RAB9A: variants seen among roughly 807,000 people sequenced by gnomAD.
RAB9A encodes the protein ras-related protein Rab-9A.
A neutral mutation model predicts 10.3 loss-of-function variants in RAB9A; 1 was observed. That is an observed-to-expected ratio of 0.10 (90% confidence interval 0.03 to 0.46). RAB9A has a LOEUF of 0.46. RAB9A is among the 20% of genes least tolerant of loss of function. The pLI is 0.96. For missense variants in RAB9A, 92 were observed against 150.3 expected (o/e 0.61, Z 2.03); for synonymous variants, 39 against 55.2 (o/e 0.71, Z 1.30).
At chrX:13,698,964 C>A (rs868335977) in intron 1 of RAB9A, among the ~76,000 whole-genome samples, 34 of 93,488 alleles carry the variant, frequency 3.6e-4, no homozygotes, top group African/African-American at 3.5e-4. Flanking sequence ...TGAATTTGAC[C>A]AAAAAAAAAA....
chrX:13,701,023 C>A (rs182235847), intron 1 of RAB9A, among the ~76,000 whole-genome samples: 2 of 112,379 alleles, frequency 1.8e-5, no homozygotes, highest in African/African-American at 6.5e-5. Flanking sequence ...CTGCCTGCCT[C>A]TGCCTCCCGT....
intron 1 of RAB9A, among the ~76,000 whole-genome samples, chrX:13,699,198 T>C (rs1418761772): frequency 1.8e-5 from 2 of 111,755 alleles, no homozygotes; most frequent in African/African-American, 3.3e-5. Flanking sequence ...GGGATTCTCA[T>C]TGGGATTGCA....
Position 13,709,452 on chromosome X carries a change from C to T in RAB9A, c.*100C>T, listed in dbSNP as rs2046212297. The T allele has an allele frequency of 1.1e-6, 1 of 950,074 alleles. No individual in the cohort carries two copies. Among genetic ancestry groups the T allele is most frequent in the Non-Finnish European group, 1.4e-6 (1 of 698,828 alleles). 78.3% of individuals were successfully genotyped at this position (950,074 alleles called of 1,213,427 possible). ...AGCGTTTGCAGCAGTGTATCATCTA[C>T]TAATAAAATTAAACTAATGTTGCTG... On this transcript the variant is annotated 3_prime_UTR_variant, in exon 3 of 3. Coordinates refer to ENST00000464506, the MANE Select transcript of RAB9A (RefSeq NM_004251.5).
chrX:13,700,099 C>G lies in RAB9A; in HGVS notation c.-115-3715C>G, dbSNP rs201035289. On this transcript the variant is annotated intron_variant, in intron 1 of 2. Transcript: ENST00000464506. ...AAGTAGCTGGAACTACAAGCAGGCA[C>G]CACCACACCTGGCTAATTTGTGTAT... is the stretch of plus-strand genomic sequence containing the variant. Among the ~76,000 whole-genome samples, 7 of 111,523 alleles carry G rather than the reference C, an allele frequency of 6.3e-5. No individual in the cohort carries two copies. In the East Asian group the frequency reaches 1.1e-3, roughly 18 times the overall value.
intron 1 of RAB9A, among the ~76,000 whole-genome samples, chrX:13,699,016 A>G (rs2046160745): frequency 9.0e-6 from 1 of 111,020 alleles, no homozygotes; most frequent in Non-Finnish European, 1.9e-5. Flanking sequence ...TGATAAATTC[A>G]TTTTAAGTTT....
intron 1 of RAB9A, among the ~76,000 whole-genome samples, chrX:13,692,618 G>T (rs2046131106): frequency 1.8e-5 from 2 of 111,732 alleles, no homozygotes; most frequent in Non-Finnish European, 3.8e-5. Flanking sequence ...GTGTTTTCTG[G>T]TCTCTTTTTC....
chrX:13,691,659 CAAAAAAAAAAAAAAA>C (rs765886332), intron 1 of RAB9A, among the ~76,000 whole-genome samples: 4 of 15,924 alleles, frequency 2.5e-4, no homozygotes, highest in Middle Eastern at 0.077. Context: ...GACTCCATCT[CAAAAAAAAAAAAAAA>C]AAAAAAAAAA....
At chrX:13,689,939 C>T (rs1024718373) in intron 1 of RAB9A, among the ~76,000 whole-genome samples, 7 of 104,018 alleles carry the variant, frequency 6.7e-5, no homozygotes, top group South Asian at 4.5e-4. Context: ...AAGTGCTGAA[C>T]TTAATAAATA....
chrX:13,704,307 G>C (rs2046187671), intron 2 of RAB9A, among the ~76,000 whole-genome samples: 1 of 111,981 alleles, frequency 8.9e-6, no homozygotes, highest in Admixed American at 9.5e-5. Context: ...AAAAGAAGAT[G>C]GGTAGATGAA....
Position 13,703,169 on chromosome X carries a change from AAC to A in RAB9A, c.-115-643_-115-642del, listed in dbSNP as rs759517511. 2.7e-5 allele frequency among the ~76,000 whole-genome samples: 3 copies of A among 112,682 alleles called. No individual in the cohort carries two copies. The East Asian group carries it at 8.3e-4, about 31-fold the overall frequency. ...TTATTTTCATTCTACCTGCAGCAAC[AAC>A]AGTAGAATCTCAGAAACAGATGCAT... On this transcript the variant is annotated intron_variant, in intron 1 of 2. Transcript: ENST00000464506.
intron 1 of RAB9A, among the ~76,000 whole-genome samples, chrX:13,692,223 C>T (rs777504864): frequency 9.0e-6 from 1 of 111,272 alleles, no homozygotes; most frequent in Non-Finnish European, 1.9e-5. Flanking sequence ...GGCAGAAGGA[C>T]GACTTGAGCC....
intron 1 of RAB9A, among the ~76,000 whole-genome samples, chrX:13,696,150 G>A (rs2046146761): frequency 1.9e-5 from 2 of 108,062 alleles, no homozygotes; most frequent in Admixed American, 1.0e-4. Context: ...GCTCACACCT[G>A]TAATCCTAGC....
intron 1 of RAB9A, among the ~76,000 whole-genome samples, chrX:13,690,426 A>G (rs2046115528): frequency 8.9e-6 from 1 of 111,891 alleles, no homozygotes; most frequent in South Asian, 3.7e-4. Context: ...TATACTACAA[A>G]GTTTCTCTTC....
intron 1 of RAB9A, among the ~76,000 whole-genome samples, chrX:13,696,873 C>CATTGA (rs2046150297): frequency 9.0e-5 from 10 of 111,640 alleles, no homozygotes; most frequent in African/African-American, 3.3e-4. Context: ...TAGGGGCAGA[C>CATTGA]CTGGGGGGAT....
rs764553341 is a variant in RAB9A, at chrX:13,692,520, T to C, written c.-116+3232T>C. On this transcript the variant is annotated intron_variant, in intron 1 of 2. Coordinates refer to ENST00000464506, the MANE Select transcript of RAB9A (RefSeq NM_004251.5). ...ATAAAATTCATCCTTAAATTTCACC[T>C]CACCAGACAAATAGTTATGCCTGCA... Among the ~76,000 whole-genome samples the C allele has an allele frequency of 4.5e-5, 5 of 111,836 alleles. No homozygotes were observed. The South Asian group carries it at 1.9e-3, about 42-fold the overall frequency.
rs1047350191 is a variant in RAB9A at position 13,703,133 on chromosome X, T to C, written c.-115-681T>C. ...GCAAGTGGTTGAAAGATTCTTACCATTTGCAATTGCTTATTTTCATTCTAC... is the reference window on the plus strand; with the variant it reads ...GCAAGTGGTTGAAAGATTCTTACCACTTGCAATTGCTTATTTTCATTCTAC... On this transcript the variant is annotated intron_variant, in intron 1 of 2. Coordinates refer to ENST00000464506, the MANE Select transcript of RAB9A (RefSeq NM_004251.5). Among the ~76,000 whole-genome samples the C allele has an allele frequency of 1.8e-4, 20 of 112,690 alleles. No homozygotes were observed. The East Asian group carries it at 5.6e-3, about 31-fold the overall frequency.
intron 1 of RAB9A, among the ~76,000 whole-genome samples, chrX:13,695,485 G>A (rs1348032842): frequency 8.9e-6 from 1 of 111,987 alleles, no homozygotes; most frequent in East Asian, 2.8e-4. Context: ...CAGGTACCTA[G>A]TAGATATTCA....
At position 13,705,778 on chromosome X, in the gene RAB9A, C is replaced by T. The variant is rs1359030842; in HGVS notation, c.-27+1876C>T. 9.3e-5 allele frequency among the ~76,000 whole-genome samples: 7 copies of T among 75,540 alleles called. No individual in the cohort carries two copies. The East Asian group carries it at 3.1e-3, about 34-fold the overall frequency. 65.6% of individuals were successfully genotyped at this position (75,540 alleles called of 115,157 possible). The stretch of plus-strand genomic sequence containing the variant: ...AACAACATTGGGAGAGTTGCTGGGG[C>T]AGGGTTCCCAGTGGAGGTGACCATG... On this transcript the variant is annotated intron_variant, in intron 2 of 2. Transcript: ENST00000464506.
Position 13,697,917 on chromosome X carries a change from C to T in RAB9A, c.-115-5897C>T, listed in dbSNP as rs750800192. Among the ~76,000 whole-genome samples the T allele has an allele frequency of 4.5e-5, 5 of 111,915 alleles. No homozygotes were observed. The South Asian group carries it at 1.5e-3, about 33-fold the overall frequency. On this transcript the variant is annotated intron_variant, in intron 1 of 2. Coordinates refer to ENST00000464506, the MANE Select transcript of RAB9A (RefSeq NM_004251.5). ...CATTTCATGGACTCCCAATTAACCA[C>T]ACTCTAGGCCTGCACTGTCCAACAC...
Sources: allele counts gnomAD v4.1 joint callset (sites outside exome capture counted in the v4.1 genomes callset), GRCh38; gene constraint gnomAD v4.1.1; transcripts MANE v1.5; gene names NCBI Gene and HGNC (gene_info 2026-07-23, HGNC 2026-07-21).